CHEK1: variants seen among roughly 807,000 people sequenced by gnomAD.
The protein encoded by CHEK1 is checkpoint kinase 1.
CHEK1 carries 32 observed loss-of-function variants against 60.2 expected under a neutral mutation model. The ratio of observed to expected loss-of-function variants is 0.53; its 90% confidence interval spans 0.40 to 0.71. CHEK1 has a LOEUF of 0.71. Among genes scored for constraint, CHEK1 ranks in the 30% least tolerant of loss-of-function variants. CHEK1 has a pLI of 0.00. For missense variants in CHEK1, 399 were observed against 564.6 expected, an observed-to-expected ratio of 0.71 and a Z score of 2.97; for synonymous variants, 179 against 187.2, an observed-to-expected ratio of 0.96 and a Z score of 0.36.
At chr11:125,654,558 T>G (rs1941845292) in intron 12 of CHEK1, among the ~76,000 whole-genome samples, 1 of 152,156 alleles carries the variant, frequency 6.6e-6, no homozygotes, top group African/African-American at 2.4e-5. Flanking sequence ...TATGCATAGA[T>G]TTTTTTGTTC....
At chr11:125,638,603 T>C (rs1466879745) in intron 8 of CHEK1, among the ~76,000 whole-genome samples, 3 of 152,182 alleles carry the variant, frequency 2.0e-5, no homozygotes, top group South Asian at 2.1e-4. Flanking sequence ...CTGAGGACAC[T>C]GCTTCCTCTG....
At position 125,637,562 on chromosome 11, in the gene CHEK1, C is replaced by T. The variant is rs765469207; in HGVS notation, c.814+18C>T. The T allele has an allele frequency of 6.4e-7, 1 of 1,553,806 alleles. No homozygotes were observed. Among genetic ancestry groups the T allele is most frequent in the East Asian group, 2.3e-5 (1 of 43,578 alleles). On this transcript the variant is annotated intron_variant, in intron 8 of 12. Coordinates refer to ENST00000438015, the MANE Select transcript of CHEK1 (RefSeq NM_001114122.3). ...CAAGAAAGGTAATATCCTTAAACTA[C>T]AAGTTTGTTTGTTTTTCTGTGGAAG...
chr11:125,654,290 A>C (rs906562498), intron 12 of CHEK1, among the ~76,000 whole-genome samples: 1 of 152,200 alleles, frequency 6.6e-6, no homozygotes, highest in Non-Finnish European at 1.5e-5. Flanking sequence ...AGATGACGCC[A>C]CTGCACTCCA....
chr11:125,674,929 G>C (rs1001861672), intron 13 of CHEK1, among the ~76,000 whole-genome samples: 1 of 152,082 alleles, frequency 6.6e-6, no homozygotes, highest in African/African-American at 2.4e-5. Flanking sequence ...AAAACTCTTT[G>C]CTCTTTTTCC....
At chr11:125,662,804 C>G (rs958859542) in intron 13 of CHEK1, among the ~76,000 whole-genome samples, 1 of 152,208 alleles carries the variant, frequency 6.6e-6, no homozygotes, top group Admixed American at 6.5e-5. Context: ...AACTGCCACT[C>G]ATTTCCAGAA....
chr11:125,648,446 G>T (rs1941582287), intron 11 of CHEK1, among the ~76,000 whole-genome samples: 2 of 152,090 alleles, frequency 1.3e-5, no homozygotes, highest in South Asian at 4.2e-4. Context: ...GCTGGGCGTG[G>T]TTGCGGGCAC....
chr11:125,629,011 G>T (rs924014762), intron 3 of CHEK1, among the ~76,000 whole-genome samples: 5 of 152,110 alleles, frequency 3.3e-5, no homozygotes, highest in African/African-American at 9.7e-5. Context: ...TTGGATATTG[G>T]TTTTCTCTTT....
chr11:125,638,617 C>T (rs573979303), intron 8 of CHEK1, among the ~76,000 whole-genome samples: 68 of 152,282 alleles, frequency 4.5e-4, no homozygotes, highest in Admixed American at 7.8e-4. Context: ...TCCTCTGAAG[C>T]GGTAGGTGTT....
chr11:125,629,188 C>G (rs748149962), intron 3 of CHEK1, 44 bp from the exon 4 acceptor site: 5 of 1,582,562 alleles, frequency 3.2e-6, no homozygotes, highest in Admixed American at 1.7e-5. Context: ...TGGTTGCTAC[C>G]TGATTATATT....
In CHEK1 at chr11:125,629,310, T is replaced by C. The variant is rs1205379673; in HGVS notation, c.354+14T>C. ...ATGGCAGGGGTGGTAGGTATAGTTG[T>C]CTATTTCCCTTTTACTTAAAATTAG... is the stretch of plus-strand genomic sequence containing the variant. On this transcript the variant is annotated intron_variant, in intron 4 of 12. Transcript: ENST00000438015. 6.2e-7 allele frequency: 1 copy of C among 1,613,986 alleles called. No individual in the cohort carries two copies. The highest frequency in any genetic ancestry group is 2.2e-5 in the East Asian group (1 of 44,862).
intron 13 of CHEK1, among the ~76,000 whole-genome samples, chr11:125,667,983 A>T (rs1942128546): frequency 6.6e-6 from 1 of 152,174 alleles, no homozygotes; most frequent in Non-Finnish European, 1.5e-5. Flanking sequence ...GATTAGTCTA[A>T]ATAATGTATC....
rs1306381001 is a variant in CHEK1 at position 125,653,006 on chromosome 11, C to G, written c.1234-740C>G. Among the ~76,000 whole-genome samples the G allele has an allele frequency of 2.6e-5, 4 of 152,094 alleles. No individual in the cohort carries two copies. Among genetic ancestry groups the G allele is most frequent in the Non-Finnish European group, 5.9e-5 (4 of 68,010 alleles). The stretch of plus-strand genomic sequence containing the variant: ...ACTCTAGTATCCTCTGTTCTGCCTT[C>G]TACTTCTATGAAATTAACAGTTTTT... On this transcript the variant is annotated intron_variant, in intron 11 of 12. Coordinates refer to ENST00000438015, the MANE Select transcript of CHEK1 (RefSeq NM_001114122.3). This position sits in a 1 kb window ranked among gnomAD's most constrained non-coding sequence, Gnocchi z 4.3.
At chr11:125,676,804 T>C (rs1289317605), downstream of CHEK1, among the ~76,000 whole-genome samples, 1 of 152,222 alleles carries the variant, frequency 6.6e-6, no homozygotes, top group Non-Finnish European at 1.5e-5. Flanking sequence ...AAAATGTATG[T>C]GTGATTTTCA....
chr11:125,673,628 T>C (rs1942323607), intron 13 of CHEK1, among the ~76,000 whole-genome samples: 2 of 152,148 alleles, frequency 1.3e-5, no homozygotes, highest in South Asian at 2.1e-4. Flanking sequence ...TAACCGATGA[T>C]CACCTCCATG....
chr11:125,637,328 C>T lies in CHEK1; in HGVS notation c.719-121C>T, dbSNP rs894098346. ...AGTAATTTAGTAGCTTTAATTCTTT[C>T]TCTTCCCCAGGAATAATATTTAGAC... On this transcript the variant is annotated intron_variant, in intron 7 of 12. Coordinates refer to ENST00000438015, the MANE Select transcript of CHEK1 (RefSeq NM_001114122.3). 5 of 627,000 alleles carry T rather than the reference C, an allele frequency of 8.0e-6. No homozygotes were observed. In the African/African-American group the frequency reaches 9.5e-5, roughly 12 times the overall value. 38.8% of individuals were successfully genotyped at this position (627,000 alleles called of 1,614,324 possible).
At chr11:125,678,026 A>G (rs548042535), downstream of CHEK1, 663 of 1,614,102 alleles carry the variant, frequency 4.1e-4, 5 homozygotes, top group South Asian at 6.9e-3. Context: ...CACCTACAGT[A>G]TGCTCACCTT....
chr11:125,630,132 TA>T (rs1284511715), intron 5 of CHEK1, among the ~76,000 whole-genome samples: 8 of 152,200 alleles, frequency 5.3e-5, no homozygotes, highest in African/African-American at 1.9e-4. Context: ...ATGACGTGGA[TA>T]AAAATGTAAG....
At chr11:125,643,709 T>G in intron 8 of CHEK1, 83 bp from the exon 9 acceptor site, 1 of 990,006 alleles carries the variant, frequency 1.0e-6, no homozygotes, top group Non-Finnish European at 1.5e-6. Context: ...ATAGTTTTAC[T>G]TCTTCAAGTT....
chr11:125,627,610 T>A lies in CHEK1; in HGVS notation c.69T>A (p.Val23=). The A allele has an allele frequency of 6.2e-7, 1 of 1,607,778 alleles. No homozygotes were observed. Among genetic ancestry groups the A allele is most frequent in the South Asian group, 1.1e-5 (1 of 89,472 alleles). Residue 23 remains valine (V), a synonymous_variant, in exon 3 of 13, where the codon GTT becomes GTA. Transcript: ENST00000438015. The part of the protein sequence containing the change: ...QTLGEGAYGE[V]QLAVNRVTEE... ...TTAAAACTCTTTTCCTTTTTAGAGT[T>A]CAACTTGCTGTGAATAGAGTAACTG...
Sources: allele counts gnomAD v4.1 joint callset (sites outside exome capture counted in the v4.1 genomes callset), GRCh38; gene constraint gnomAD v4.1.1; non-coding constraint Gnocchi (gnomAD v3.1); transcripts MANE v1.5; gene names NCBI Gene and HGNC (gene_info 2026-07-23, HGNC 2026-07-21).